The following DNMBP variants were observed in gnomAD, a reference collection of about 807,000 sequenced individuals.
The protein encoded by DNMBP is dynamin-binding protein.
DNMBP carries 87 observed loss-of-function variants against 150.0 expected under a neutral mutation model. That is an observed-to-expected ratio of 0.58 (90% CI 0.49 to 0.69). The LOEUF (loss-of-function observed/expected upper bound fraction) is 0.69. DNMBP is among the 30% of genes least tolerant of loss of function. The pLI, the probability that DNMBP is intolerant of heterozygous loss-of-function variation, is 0.00. For synonymous variants in DNMBP, 711 were observed against 750.4 expected, an observed-to-expected ratio of 0.95 and a Z score of 0.86; for missense variants, 1,774 against 1,949.0, an observed-to-expected ratio of 0.91 and a Z score of 1.69.
At chr10:99,961,277 T>C (rs1198061197) in intron 3 of DNMBP, among the ~76,000 whole-genome samples, 1 of 133,670 alleles carries the variant, frequency 7.5e-6, no homozygotes, top group African/African-American at 2.8e-5. Flanking sequence ...CTTTTTTTTT[T>C]TTTTTTTTTT....
chr10:99,925,078 CTATA>C (rs1250061337), intron 4 of DNMBP, among the ~76,000 whole-genome samples: 5 of 152,316 alleles, frequency 3.3e-5, no homozygotes, highest in Non-Finnish European at 7.3e-5. Flanking sequence ...CCTCTGCTGT[CTATA>C]ATATAGTTGC....
At chr10:100,003,872 AATAAG>A (rs1419160010) in intron 1 of DNMBP, among the ~76,000 whole-genome samples, 1 of 152,002 alleles carries the variant, frequency 6.6e-6, no homozygotes, top group Non-Finnish European at 1.5e-5. Flanking sequence ...AAATAAATAA[AATAAG>A]ATGTTAACCC....
intron 4 of DNMBP, among the ~76,000 whole-genome samples, chr10:99,914,695 A>G (rs2039941755): frequency 6.6e-6 from 1 of 152,200 alleles, no homozygotes; most frequent in African/African-American, 2.4e-5. Context: ...ACAATATGCC[A>G]CAATTTTTTA....
intron 6 of DNMBP, among the ~76,000 whole-genome samples, chr10:99,901,447 C>T (rs1298806062): frequency 6.6e-6 from 1 of 152,102 alleles, no homozygotes; most frequent in Non-Finnish European, 1.5e-5. Flanking sequence ...GACTTATTCC[C>T]TACATTCATA....
In DNMBP at chr10:99,927,924, T is replaced by C. The variant is rs115229913; in HGVS notation, c.2261-18778A>G. ...GCTTAATACAATAAGGAACTAAACA[T>C]AGGAAACAAAGTTCACCAAAGGAAC... On this transcript the variant is annotated intron_variant, in intron 4 of 16. Coordinates refer to ENST00000324109, the MANE Select transcript of DNMBP (RefSeq NM_015221.4). 5.6e-3 allele frequency among the ~76,000 whole-genome samples: 848 copies of C among 151,920 alleles called. 9 individuals carry two copies. Among genetic ancestry groups the C allele is most frequent in the African/African-American group, 0.019 (793 of 41,408 alleles).
intron 3 of DNMBP, among the ~76,000 whole-genome samples, chr10:99,964,067 T>C (rs2040591016): frequency 6.6e-6 from 1 of 152,096 alleles, no homozygotes; most frequent in Non-Finnish European, 1.5e-5. Context: ...AGTGATATTT[T>C]ATCACTTGTC....
chr10:100,006,791 G>C (rs1014368418), intron 1 of DNMBP, among the ~76,000 whole-genome samples: 1 of 151,958 alleles, frequency 6.6e-6, no homozygotes, highest in African/African-American at 2.4e-5. Flanking sequence ...ACTGCCTCCT[G>C]CTCACTTCCT....
At chr10:99,893,716 T>A (rs1458569239) in intron 11 of DNMBP, among the ~76,000 whole-genome samples, 2 of 152,134 alleles carry the variant, frequency 1.3e-5, no homozygotes, top group East Asian at 3.9e-4. Context: ...AGAGTGAGAC[T>A]CTGTCTCAAA....
chr10:99,886,272 C>T lies in DNMBP; in HGVS notation c.3618+28G>A, dbSNP rs1312040746. 4 of 1,570,260 alleles carry T rather than the reference C, an allele frequency of 2.5e-6. No homozygotes were observed. The East Asian group carries it at 9.0e-5, about 35-fold the overall frequency. On this transcript the variant is annotated intron_variant, in intron 13 of 16. Coordinates refer to ENST00000324109, the MANE Select transcript of DNMBP (RefSeq NM_015221.4). ...ATACCAGGCAAAGGCTATAGATGAC[C>T]ATCCCACTGAACAGGTAAGAAACTC...
intron 4 of DNMBP, among the ~76,000 whole-genome samples, chr10:99,935,220 G>A (rs1350437561): frequency 1.3e-5 from 2 of 152,030 alleles, no homozygotes; most frequent in African/African-American, 4.8e-5. Flanking sequence ...TTATTTGGGA[G>A]TTGGAGTTGA....
At chr10:99,988,351 T>G (rs2040850534) in intron 1 of DNMBP, among the ~76,000 whole-genome samples, 1 of 152,182 alleles carries the variant, frequency 6.6e-6, no homozygotes, top group African/African-American at 2.4e-5. Context: ...CTTGTCAGAT[T>G]TGCATATAAG....
At chr10:99,994,704 G>C (rs773208850) in intron 1 of DNMBP, among the ~76,000 whole-genome samples, 5 of 152,198 alleles carry the variant, frequency 3.3e-5, no homozygotes, top group Non-Finnish European at 5.9e-5. Flanking sequence ...AGGAATAGAA[G>C]AGGGATATGA....
chr10:99,884,500 ATATC>A (rs1310316957), intron 14 of DNMBP, among the ~76,000 whole-genome samples: 1 of 152,228 alleles, frequency 6.6e-6, no homozygotes, highest in African/African-American at 2.4e-5. Flanking sequence ...AAAAATCAAA[ATATC>A]TAAGTGATAT....
chr10:99,912,342 T>C (rs1464763958), intron 4 of DNMBP, among the ~76,000 whole-genome samples: 2 of 152,146 alleles, frequency 1.3e-5, no homozygotes, highest in African/African-American at 4.8e-5. Flanking sequence ...ATTCTACTAA[T>C]TATAGTAGTT....
At chr10:99,879,247 T>C (rs1590205454) in intron 16 of DNMBP, among the ~76,000 whole-genome samples, 1 of 152,060 alleles carries the variant, frequency 6.6e-6, no homozygotes, top group African/African-American at 2.4e-5. Context: ...GGCGGATCAC[T>C]TGAGGCCAGC....
intron 1 of DNMBP, among the ~76,000 whole-genome samples, chr10:99,989,337 C>T (rs538161042): frequency 6.6e-6 from 1 of 152,336 alleles, no homozygotes; most frequent in South Asian, 2.1e-4. Flanking sequence ...TCCTCTGGTG[C>T]TCCTGTAATC....
chr10:99,970,482 G>A (rs528875265), intron 2 of DNMBP, among the ~76,000 whole-genome samples: 1 of 152,238 alleles, frequency 6.6e-6, no homozygotes, highest in Non-Finnish European at 1.5e-5. Flanking sequence ...AATAAATTTG[G>A]GCCAGCCATG....
intron 9 of DNMBP, 40 bp from the exon 10 acceptor site, chr10:99,896,437 C>T (rs1590218916): frequency 6.2e-7 from 1 of 1,610,032 alleles, no homozygotes. Flanking sequence ...TCAGCATGGG[C>T]ATACTACAAA....
At chr10:99,978,735 C>T (rs1253700359) in intron 1 of DNMBP, among the ~76,000 whole-genome samples, 1 of 152,152 alleles carries the variant, frequency 6.6e-6, no homozygotes, top group Non-Finnish European at 1.5e-5. Context: ...TGTACCACCA[C>T]ACCTGGCTAA....
Sources: allele counts gnomAD v4.1 joint callset (sites outside exome capture counted in the v4.1 genomes callset), GRCh38; gene constraint gnomAD v4.1.1; transcripts MANE v1.5; gene names NCBI Gene and HGNC (gene_info 2026-07-23, HGNC 2026-07-21).